D2HGDH: variants seen among roughly 807,000 people sequenced by gnomAD.
The protein encoded by D2HGDH is D-2-hydroxyglutarate dehydrogenase.
D2HGDH carries 31 observed loss-of-function variants against 46.9 expected under a neutral mutation model. That is an observed-to-expected ratio of 0.66 (90% CI 0.50 to 0.89). The LOEUF (loss-of-function observed/expected upper bound fraction) is 0.89. D2HGDH is among the 40% of genes least tolerant of loss of function. D2HGDH has a pLI of 0.00. For synonymous variants in D2HGDH, 364 were observed against 332.6 expected (o/e 1.09, Z -1.03); for missense variants, 698 against 720.8 (o/e 0.97, Z 0.36).
intron 6 of D2HGDH, chr2:241,749,460 A>C: frequency 9.6e-7 from 1 of 1,043,998 alleles, no homozygotes; most frequent in South Asian, 1.6e-5. Flanking sequence ...AGACATCTCC[A>C]CTCAGTTCCT....
In D2HGDH at chr2:241,755,832, C is replaced by G; in HGVS notation, c.1141-17C>G. 1 of 1,611,104 alleles carries G rather than the reference C, an allele frequency of 6.2e-7. No homozygotes were observed. The highest frequency in any genetic ancestry group is 8.5e-7 in the Non-Finnish European group (1 of 1,178,116). On this transcript the variant is annotated splice_polypyrimidine_tract_variant and intron_variant, in intron 8 of 9. Coordinates refer to ENST00000321264, the MANE Select transcript of D2HGDH (RefSeq NM_152783.5). ...TTCCCATAGCCAGCCCTTGTCTCATCTCGTCTCATCCTCTAGATGCTGTGG... is the reference window on the plus strand; with the variant it reads ...TTCCCATAGCCAGCCCTTGTCTCATGTCGTCTCATCCTCTAGATGCTGTGG...
At chr2:241,734,977 C>T (rs1692345708) in intron 1 of D2HGDH, 156 bp from the exon 2 acceptor site, 1 of 510,096 alleles carries the variant, frequency 2.0e-6, no homozygotes, top group Non-Finnish European at 3.4e-6. Flanking sequence ...CTGCGTGGGG[C>T]TTCGCGCGCT....
At chr2:241,738,261 G>A (rs1332136436) in intron 2 of D2HGDH, among the ~76,000 whole-genome samples, 1 of 152,172 alleles carries the variant, frequency 6.6e-6, no homozygotes, top group African/African-American at 2.4e-5. Context: ...TGTTGTCCCC[G>A]GAGGCAGGTG....
chr2:241,755,509 C>G (rs527369384), intron 8 of D2HGDH: 1 of 1,354,574 alleles, frequency 7.4e-7, no homozygotes. Context: ...CATGGCTGTC[C>G]CCCTTCTGTG....
chr2:241,746,417 G>GT (rs1339856209), intron 6 of D2HGDH, among the ~76,000 whole-genome samples: 1 of 152,176 alleles, frequency 6.6e-6, no homozygotes, highest in Admixed American at 6.5e-5. Flanking sequence ...TGTCAAATCT[G>GT]CAATGTTACT....
intron 9 of D2HGDH, among the ~76,000 whole-genome samples, chr2:241,760,505 C>T (rs1455935351): frequency 2.7e-5 from 4 of 148,106 alleles, no homozygotes; most frequent in Admixed American, 6.7e-5. Context: ...AGTCAAAGGC[C>T]TTTGCCACAG....
rs367762881 is a variant in D2HGDH at position 241,756,797 on chromosome 2, C to T, written c.1306+783C>T. ...TCGGCCTCTCAAAGTGCTGGGATTA[C>T]AGGAGTGAGCCACCGTGCCCAGCTG... On this transcript the variant is annotated intron_variant, in intron 9 of 9. Coordinates refer to ENST00000321264, the MANE Select transcript of D2HGDH (RefSeq NM_152783.5). Among the ~76,000 whole-genome samples, 64 of 152,322 alleles carry T rather than the reference C, an allele frequency of 4.2e-4. 2 individuals are homozygous for T. The highest frequency in any genetic ancestry group is 1.4e-3 in the African/African-American group (57 of 41,574).
chr2:241,738,709 C>A (rs1473145677), intron 2 of D2HGDH, among the ~76,000 whole-genome samples: 1 of 152,206 alleles, frequency 6.6e-6, no homozygotes, highest in Non-Finnish European at 1.5e-5. Flanking sequence ...ACACCCTGTC[C>A]TGCTGCAGGG....
In D2HGDH at chr2:241,749,610, A is replaced by T. The variant is rs377591034; in HGVS notation, c.854-541A>T. On this transcript the variant is annotated intron_variant, in intron 6 of 9. Coordinates refer to ENST00000321264, the MANE Select transcript of D2HGDH (RefSeq NM_152783.5). ...CCTGAGTGCTGATTGTGTTAAGAGA[A>T]ATGCAGCCATTCCCAAAGGCTGCCT... 9.5e-6 allele frequency: 3 copies of T among 316,270 alleles called. No homozygotes were observed. The East Asian group carries it at 2.7e-4, about 28-fold the overall frequency. 19.6% of individuals were successfully genotyped at this position (316,270 alleles called of 1,614,324 possible).
At chr2:241,740,480 C>G (rs1694142041) in intron 2 of D2HGDH, among the ~76,000 whole-genome samples, 1 of 152,236 alleles carries the variant, frequency 6.6e-6, no homozygotes, top group Non-Finnish European at 1.5e-5. Flanking sequence ...CACTTCTGCA[C>G]ACTGTGCCCA....
intron 9 of D2HGDH, among the ~76,000 whole-genome samples, chr2:241,760,105 C>T (rs1698619297): frequency 1.5e-5 from 2 of 130,488 alleles, no homozygotes; most frequent in African/African-American, 6.5e-5. Flanking sequence ...GGGCCTTACC[C>T]AATCAGTCGA....
intron 6 of D2HGDH, among the ~76,000 whole-genome samples, chr2:241,748,147 GTC>G: frequency 6.6e-6 from 1 of 152,146 alleles, no homozygotes; most frequent in South Asian, 2.1e-4. Context: ...TTGAGACAGA[GTC>G]TCACTCTTGT....
chr2:241,763,831 ACCAGC>A (rs2125174637), intron 9 of D2HGDH, among the ~76,000 whole-genome samples: 1 of 151,950 alleles, frequency 6.6e-6, no homozygotes, highest in Admixed American at 6.6e-5. Flanking sequence ...GGAGTTCAAG[ACCAGC>A]CTGGGCAACA....
At chr2:241,749,000 A>G in intron 6 of D2HGDH, 3 of 1,207,418 alleles carry the variant, frequency 2.5e-6, no homozygotes, top group Non-Finnish European at 3.2e-6. Flanking sequence ...GCCGGGTGGA[A>G]CAGGCCCTGT....
chr2:241,750,394 CGGGCGGGCGGGTGGG>C, intron 7 of D2HGDH, 100 bp downstream of exon 7: 3 of 263,586 alleles, frequency 1.1e-5, no homozygotes, highest in Non-Finnish European at 6.1e-6. Flanking sequence ...GGGGGGTGCC[CGGGCGGGCGGGTGGG>C]GGGTCCCTGG....
Position 241,767,671 on chromosome 2 carries a change from G to T in D2HGDH, c.1307-39G>T, listed in dbSNP as rs767973096. 5 of 1,611,424 alleles carry T rather than the reference G, an allele frequency of 3.1e-6. No homozygotes were observed. In the African/African-American group the frequency reaches 4.0e-5, roughly 13 times the overall value. ...GGGGAGGAGTGGGGTCCTGGGGGCT[G>T]CCCTGCCCAGCCTGACCCATGTGCC... is the stretch of plus-strand genomic sequence containing the variant. On this transcript the variant is annotated intron_variant, in intron 9 of 9. Transcript: ENST00000321264.
chr2:241,751,783 G>A (rs920060839), intron 8 of D2HGDH, among the ~76,000 whole-genome samples: 5 of 152,130 alleles, frequency 3.3e-5, no homozygotes, highest in African/African-American at 9.6e-5. Flanking sequence ...GACCTCGGGA[G>A]TCCTAGGATG....
At chr2:241,754,803 G>A (rs1697900024) in intron 8 of D2HGDH, 1 of 296,768 alleles carries the variant, frequency 3.4e-6, no homozygotes, top group African/African-American at 2.2e-5. Flanking sequence ...GGGTCTCCCT[G>A]TGTGGCTCAG....
intron 8 of D2HGDH, among the ~76,000 whole-genome samples, chr2:241,752,819 C>T (rs1272415901): frequency 1.3e-5 from 2 of 149,090 alleles, no homozygotes; most frequent in Admixed American, 6.7e-5. Flanking sequence ...CATCAGCCCC[C>T]ATGCCCCCAC....
Sources: allele counts gnomAD v4.1 joint callset (sites outside exome capture counted in the v4.1 genomes callset), GRCh38; gene constraint gnomAD v4.1.1; transcripts MANE v1.5; gene names NCBI Gene and HGNC (gene_info 2026-07-23, HGNC 2026-07-21).